HTATIP2: variants seen among roughly 807,000 people sequenced by gnomAD.
HTATIP2 encodes the protein protein HTATIP2.
A neutral mutation model predicts 24.7 loss-of-function variants in HTATIP2; 26 were observed. The ratio of observed to expected loss-of-function variants is 1.05; its 90% confidence interval spans 0.77 to 1.46. The LOEUF (loss-of-function observed/expected upper bound fraction) is 1.46. HTATIP2 is among the 40% of genes most tolerant of loss of function. The pLI, the probability that HTATIP2 is intolerant of heterozygous loss-of-function variation, is 0.00. For synonymous variants in HTATIP2, 99 were observed against 113.2 expected (o/e 0.87, Z 0.79); for missense variants, 284 against 289.6 (o/e 0.98, Z 0.14).
chr11:20,363,943 G>A lies in HTATIP2; in HGVS notation c.-295G>A, dbSNP rs531903482. On this transcript the variant is annotated 5_prime_UTR_variant, in exon 1 of 5. Transcript: ENST00000451739. ...CCCTCCGCGTATGGGACCGAGCTGG[G>A]CCAGGTCTCCTGGCCGGGCCGGGGA... 2.4e-6 allele frequency: 3 copies of A among 1,244,562 alleles called. No individual in the cohort carries two copies. Among genetic ancestry groups the A allele is most frequent in the Non-Finnish European group, 2.0e-6 (2 of 991,590 alleles). The allele number at this position is 1,244,562 out of a possible 1,614,324, so 77.1% of individuals were successfully genotyped here. A position where few individuals can be genotyped will look rare whatever the true frequency, so the allele number is the denominator to read the frequency against.
intron 1 of HTATIP2, among the ~76,000 whole-genome samples, chr11:20,365,989 A>G (rs918882517): frequency 1.4e-5 from 2 of 147,986 alleles, no homozygotes; most frequent in Admixed American, 6.7e-5. Flanking sequence ...AAAAAAAAAA[A>G]GAAAAGAAAC....
chr11:20,382,838 A>G, intron 4 of HTATIP2, 142 bp from the exon 5 acceptor site: 1 of 530,868 alleles, frequency 1.9e-6, no homozygotes, highest in Non-Finnish European at 3.2e-6. Flanking sequence ...CTTATCTTCA[A>G]ATATAGACAC....
intron 2 of HTATIP2, among the ~76,000 whole-genome samples, chr11:20,375,527 C>T (rs575329943): frequency 3.9e-5 from 6 of 152,274 alleles, no homozygotes; most frequent in Middle Eastern, 3.4e-3. Context: ...GTGGAGACCA[C>T]GCCACTGCCC....
intron 4 of HTATIP2, 112 bp from the exon 5 acceptor site, chr11:20,382,868 A>G: frequency 1.4e-6 from 1 of 731,270 alleles, no homozygotes; most frequent in East Asian, 2.7e-5. Flanking sequence ...TAGGGCTTCA[A>G]CATTAGAATA....
Position 20,383,028 on chromosome 11 carries a change from T to G in HTATIP2, c.552T>G (p.Val184=), listed in dbSNP as rs746127252. 2.5e-6 allele frequency: 4 copies of G among 1,613,884 alleles called. No individual in the cohort carries two copies. The highest frequency in any genetic ancestry group is 2.5e-6 in the Non-Finnish European group (3 of 1,180,000). Residue 184 remains valine (V), a synonymous_variant, in exon 5 of 5, where the codon GTT becomes GTG. Transcript: ENST00000451739. ...RQESRPGEWL[V]RKFFGSLPDS... is the part of the protein sequence containing the mutation. ...AATCTCGCCCAGGTGAATGGCTGGTTAGAAAGTTCTTTGGCTCCTTACCAG... is the reference window on the plus strand; with the variant it reads ...AATCTCGCCCAGGTGAATGGCTGGTGAGAAAGTTCTTTGGCTCCTTACCAG...
chr11:20,365,014 C>CA (rs2064681780), intron 1 of HTATIP2, among the ~76,000 whole-genome samples: 1 of 145,508 alleles, frequency 6.9e-6, no homozygotes, highest in Non-Finnish European at 1.5e-5. Flanking sequence ...GACGGAGTCT[C>CA]ACTCTGTCCC....
In HTATIP2 at chr11:20,367,205, A is replaced by G. The variant is rs2064719339; in HGVS notation, c.227A>G (p.Asp76Gly). The G allele has an allele frequency of 1.2e-6, 2 of 1,614,130 alleles. No individual in the cohort carries two copies. Among genetic ancestry groups the G allele is most frequent in the African/African-American group, 1.3e-5 (1 of 75,066 alleles). Reference protein sequence around the residue: ...NQEVVDFEKLDDYASAFQGHD... With the variant: ...NQEVVDFEKLGDYASAFQGHD... ...GAAGTGGTGGACTTTGAAAAGTTGG[A>G]TGACTACGCCTCTGCCTTTCAAGGT... Residue 76 changes from aspartate (D) to glycine (G), a missense_variant, in exon 2 of 5, where the codon GAT (aspartate) becomes GGT (glycine). Physicochemically the swap from Asp to Gly is moderately conservative, Grantham distance 94. Coordinates refer to ENST00000451739, the MANE Select transcript of HTATIP2 (RefSeq NM_001098522.2).
chr11:20,382,244 G>A lies in HTATIP2; in HGVS notation c.503+5G>A. 2 of 1,524,242 alleles carry A rather than the reference G, an allele frequency of 1.3e-6. No homozygotes were observed. Among genetic ancestry groups the A allele is most frequent in the Non-Finnish European group, 1.8e-6 (2 of 1,098,626 alleles). The allele number at this position is 1,524,242 out of a possible 1,614,324, so 94.4% of individuals were successfully genotyped here. ...TTACTCTGTATTTAGGCCTGGGTAA[G>A]TATAATATTTATACTGAATGAGAGT... On this transcript the variant is annotated splice_donor_5th_base_variant and intron_variant, in intron 4 of 4. Coordinates refer to ENST00000451739, the MANE Select transcript of HTATIP2 (RefSeq NM_001098522.2).
Position 20,374,211 on chromosome 11 carries a change from A to G in HTATIP2, c.304-2369A>G, listed in dbSNP as rs561188125. 2.0e-5 allele frequency among the ~76,000 whole-genome samples: 3 copies of G among 152,274 alleles called. No individual in the cohort carries two copies. The East Asian group carries it at 5.8e-4, about 29-fold the overall frequency. On this transcript the variant is annotated intron_variant, in intron 2 of 4. Transcript: ENST00000451739. ...GTGGCAGAGCATGTTCAGTTTATGAAAATTTATTGAGCTCTATACTTATGT... is the reference window on the plus strand; with the variant it reads ...GTGGCAGAGCATGTTCAGTTTATGAGAATTTATTGAGCTCTATACTTATGT...
At chr11:20,376,331 T>C in intron 2 of HTATIP2, 1 of 479,592 alleles carries the variant, frequency 2.1e-6, no homozygotes, top group Non-Finnish European at 3.6e-6. Flanking sequence ...TTGGTGTCTG[T>C]GTTTCAATGT....
chr11:20,374,906 C>T (rs1848419979), intron 2 of HTATIP2, among the ~76,000 whole-genome samples: 2 of 152,168 alleles, frequency 1.3e-5, no homozygotes, highest in Non-Finnish European at 2.9e-5. Context: ...TGATGGAATT[C>T]CCCCTTGTCA....
rs182333117 is a variant in HTATIP2, at chr11:20,363,777, C to G, written c.-461C>G. 2.0e-5 allele frequency: 25 copies of G among 1,239,836 alleles called. No individual in the cohort carries two copies. The South Asian group carries it at 3.3e-4, about 16-fold the overall frequency. The allele number at this position is 1,239,836 out of a possible 1,614,324, so 76.8% of individuals were successfully genotyped here. ...AGGCGCTGTCTCCGTCGCCTCCAAC[C>G]CCCCCGGTCCGACCAGGGAAGGTGG... On this transcript the variant is annotated 5_prime_UTR_variant, in exon 1 of 5. Coordinates refer to ENST00000451739, the MANE Select transcript of HTATIP2 (RefSeq NM_001098522.2).
chr11:20,380,447 C>T (rs577275091), intron 3 of HTATIP2, among the ~76,000 whole-genome samples: 4 of 152,038 alleles, frequency 2.6e-5, no homozygotes, highest in South Asian at 4.2e-4. Flanking sequence ...CCGAGGCGGG[C>T]GGATCACGAG....
chr11:20,376,777 A>G (rs1848453990), intron 3 of HTATIP2, 60 bp downstream of exon 3: 5 of 1,294,232 alleles, frequency 3.9e-6, no homozygotes, highest in Admixed American at 2.4e-5. Flanking sequence ...TGGCAGTACT[A>G]AAGAATATAA....
chr11:20,371,982 T>C (rs140047263), intron 2 of HTATIP2, among the ~76,000 whole-genome samples: 2 of 152,232 alleles, frequency 1.3e-5, no homozygotes, highest in East Asian at 3.9e-4. Context: ...TGTTTTCTAG[T>C]CTAATTTATA....
rs1295496595 is a variant in HTATIP2 at position 20,383,249 on chromosome 11, C to G, written c.*44C>G. 7.0e-7 allele frequency: 1 copy of G among 1,435,500 alleles called. No homozygotes were observed. The highest frequency in any genetic ancestry group is 1.9e-5 in the Admixed American group (1 of 51,764). The allele number at this position is 1,435,500 out of a possible 1,614,324, so 88.9% of individuals were successfully genotyped here. On this transcript the variant is annotated 3_prime_UTR_variant, in exon 5 of 5. Coordinates refer to ENST00000451739, the MANE Select transcript of HTATIP2 (RefSeq NM_001098522.2). ...TTTTATTGTCAACCTTAACACCCAT[C>G]ACCAAATCGGTAATTTCAGGGTCTA...
At chr11:20,380,145 C>T (rs1408909535) in intron 3 of HTATIP2, among the ~76,000 whole-genome samples, 1 of 152,214 alleles carries the variant, frequency 6.6e-6, no homozygotes, top group Non-Finnish European at 1.5e-5. Flanking sequence ...AATTGCAGCC[C>T]TCCAGAAGAA....
chr11:20,367,195 G>A lies in HTATIP2; in HGVS notation c.217G>A (p.Glu73Lys). Residue 73 changes from glutamate to lysine, a missense_variant, in exon 2 of 5, where the codon GAA becomes AAA. Coordinates refer to ENST00000451739, the MANE Select transcript of HTATIP2 (RefSeq NM_001098522.2). ...KNVNQEVVDF[E>K]KLDDYASAFQ... ...CTAGAATCAAGAAGTGGTGGACTTT[G>A]AAAAGTTGGATGACTACGCCTCTGC... 6.2e-7 allele frequency: 1 copy of A among 1,614,108 alleles called. No homozygotes were observed. The highest frequency in any genetic ancestry group is 8.5e-7 in the Non-Finnish European group (1 of 1,180,024).
chr11:20,371,698 C>T (rs953781130), intron 2 of HTATIP2, among the ~76,000 whole-genome samples: 43 of 152,090 alleles, frequency 2.8e-4, no homozygotes, highest in African/African-American at 1.0e-3. Flanking sequence ...CTCGGCCTCC[C>T]AAAGTGCTGG....
Sources: gnomAD v4.1 joint callset for allele counts (sites outside exome capture counted in the v4.1 genomes callset) on GRCh38, gnomAD v4.1.1 for gene constraint, MANE v1.5 for transcripts, NCBI Gene and HGNC (gene_info 2026-07-23, HGNC 2026-07-21) for gene names.